The following GPN3 variants were observed in gnomAD, a reference collection of about 807,000 sequenced individuals.
The protein encoded by GPN3 is ATP-binding domain 1 family member C.
Under a neutral mutation model 38.7 loss-of-function variants are expected in GPN3, and 31 were observed. The ratio of observed to expected loss-of-function variants is 0.80; its 90% confidence interval spans 0.60 to 1.08. The LOEUF (loss-of-function observed/expected upper bound fraction) is 1.08. GPN3 is among the 50% of genes least tolerant of loss of function. The pLI is 0.00. For missense variants in GPN3, 301 were observed against 354.4 expected, an observed-to-expected ratio of 0.85 and a Z score of 1.21; for synonymous variants, 116 against 120.2, an observed-to-expected ratio of 0.96 and a Z score of 0.23.
At position 110,456,822 on chromosome 12, in the gene GPN3, C is replaced by T. The variant is rs545478726; in HGVS notation, c.450+688G>A. Among the ~76,000 whole-genome samples, 8 of 151,990 alleles carry T rather than the reference C, an allele frequency of 5.3e-5. No individual in the cohort carries two copies. In the East Asian group the frequency reaches 9.7e-4, roughly 18 times the overall value. Reference sequence around the variant, plus strand: ...AAGCGATCCTCCCACTTCAGCTTCCCAAGTAGCTGGGACTACAGGCATGTG... The same window carrying T: ...AAGCGATCCTCCCACTTCAGCTTCCTAAGTAGCTGGGACTACAGGCATGTG... On this transcript the variant is annotated intron_variant, in intron 4 of 7. Transcript: ENST00000228827.
In GPN3 at chr12:110,468,207, G is replaced by T; in HGVS notation, c.-4C>A. ...CCAGCTGCGCATACCGAGGCATGTTGGCTCCCGGAGCCGCCCGCCACACTC... is the reference window on the plus strand; with the variant it reads ...CCAGCTGCGCATACCGAGGCATGTTTGCTCCCGGAGCCGCCCGCCACACTC... On this transcript the variant is annotated 5_prime_UTR_variant, in exon 1 of 8. Coordinates refer to ENST00000228827, the MANE Select transcript of GPN3 (RefSeq NM_016301.4). The T allele has an allele frequency of 1.9e-6, 3 of 1,605,486 alleles. No homozygotes were observed. The highest frequency in any genetic ancestry group is 1.7e-6 in the Non-Finnish European group (2 of 1,179,774).
chr12:110,457,489 G>GTT, intron 4 of GPN3, 21 bp downstream of exon 4: 2 of 635,744 alleles, frequency 3.1e-6, no homozygotes, highest in Non-Finnish European at 2.6e-6. Flanking sequence ...AAAAAAATCT[G>GTT]TAAGAGATTT....
Position 110,465,192 on chromosome 12 carries a change from AC to A in GPN3, c.70del (p.Val24SerfsTer14). Reference sequence around the variant, plus strand: ...CCGGTTGAGGGCTTCACAGTGCTGGACCATGGTGGCACAGTAGGTGCTCTGT... The same window carrying A: ...CCGGTTGAGGGCTTCACAGTGCTGGACATGGTGGCACAGTAGGTGCTCTGT... ...SGKSTYCATMVQHCEALNRSV... is the reference protein window; with the variant it reads ...SGKSTYCATMXQHCEALNRSV... On this transcript the variant is annotated frameshift_variant, in exon 2 of 8. Coordinates refer to ENST00000228827, the MANE Select transcript of GPN3 (RefSeq NM_016301.4). LOFTEE classifies it high-confidence loss of function. The A allele has an allele frequency of 6.2e-7, 1 of 1,607,666 alleles. No individual in the cohort carries two copies. Among genetic ancestry groups the A allele is most frequent in the Non-Finnish European group, 8.5e-7 (1 of 1,174,046 alleles).
In GPN3 at chr12:110,459,814, A is replaced by G. The variant is rs367768675; in HGVS notation, c.206T>C (p.Leu69Pro). 3.7e-6 allele frequency: 6 copies of G among 1,613,864 alleles called. No individual in the cohort carries two copies. In the African/African-American group the frequency reaches 8.0e-5, roughly 22 times the overall value. ...EVDDVMEDDS[L>P]RFGPNGGLVF... is the part of the protein sequence containing the mutation. ...CAATCCTCCGTTGGGACCGAATCGC[A>G]GAGAATCATCCTCCATTACATCATC... Residue 69 changes from leucine (L) to proline (P), a missense_variant, in exon 3 of 8, where the codon CTG becomes CCG. Physicochemically the swap from Leu to Pro is moderately conservative, Grantham distance 98. Coordinates refer to ENST00000228827, the MANE Select transcript of GPN3 (RefSeq NM_016301.4).
At chr12:110,457,237 G>A (rs867119175) in intron 4 of GPN3, among the ~76,000 whole-genome samples, 1 of 151,494 alleles carries the variant, frequency 6.6e-6, no homozygotes, top group East Asian at 1.9e-4. Context: ...CTTGATGTTT[G>A]AGGTCAGGAG....
chr12:110,453,567 T>G (rs1368321658), intron 7 of GPN3, among the ~76,000 whole-genome samples, 176 bp downstream of exon 7: 1 of 152,138 alleles, frequency 6.6e-6, no homozygotes, highest in Non-Finnish European at 1.5e-5. Context: ...AGAGTAAAAG[T>G]GATACTGCTT....
At chr12:110,461,165 CCA>C (rs2062585586) in intron 2 of GPN3, 1 of 1,294,752 alleles carries the variant, frequency 7.7e-7, no homozygotes. Context: ...GATGGGAACT[CCA>C]GATGTGCGCA....
chr12:110,456,007 T>C (rs2062547260), intron 4 of GPN3, 77 bp from the exon 5 acceptor site: 1 of 786,952 alleles, frequency 1.3e-6, no homozygotes, highest in Admixed American at 1.9e-5. Context: ...GAGTCTTCTA[T>C]TCCTCACTGG....
At chr12:110,468,426 T>A (rs2062653257), upstream of GPN3, 1 of 1,534,168 alleles carries the variant, frequency 6.5e-7, no homozygotes, top group Non-Finnish European at 8.7e-7. Flanking sequence ...TGCGCAAAAG[T>A]AGTTGATGGA....
rs186824410 is a variant in GPN3, at chr12:110,453,245, G to C, written c.793-149C>G. ...TGCTGCTTATAGGTAACTGTTAATA[G>C]TAAGAAAAGGCATGATTGACAGATT... is the stretch of plus-strand genomic sequence containing the variant. On this transcript the variant is annotated intron_variant, in intron 7 of 7. Transcript: ENST00000228827. 42 of 500,978 alleles carry C rather than the reference G, an allele frequency of 8.4e-5. No homozygotes were observed. In the Admixed American group the frequency reaches 1.4e-3, roughly 17 times the overall value. 31.0% of individuals were successfully genotyped at this position (500,978 alleles called of 1,614,324 possible).
rs539841313 is a variant in GPN3, at chr12:110,453,021, T to C, written c.*13A>G. ...GCCACAAGCTCTTTAGATGGTTACT[T>C]TTAGTAAACTCTTCATTCATCCTGG... On this transcript the variant is annotated 3_prime_UTR_variant, in exon 8 of 8. Coordinates refer to ENST00000228827, the MANE Select transcript of GPN3 (RefSeq NM_016301.4). 2 of 1,194,166 alleles carry C rather than the reference T, an allele frequency of 1.7e-6. No homozygotes were observed. The highest frequency in any genetic ancestry group is 2.5e-6 in the Non-Finnish European group (2 of 796,116). The allele number at this position is 1,194,166 out of a possible 1,614,324, so 74.0% of individuals were successfully genotyped here.
In GPN3 at chr12:110,455,585, C is replaced by G. The variant is rs766549312; in HGVS notation, c.663+1G>C. 2 of 1,305,890 alleles carry G rather than the reference C, an allele frequency of 1.5e-6. No homozygotes were observed. The highest frequency in any genetic ancestry group is 1.8e-5 in the Admixed American group (1 of 55,910). 80.9% of individuals were successfully genotyped at this position (1,305,890 alleles called of 1,614,324 possible). ...AAAAAATCCAAACTTTAAAAGCTTA[C>G]CAGTCCACATATAGCTTTAGTCAGT... On this transcript the variant is annotated splice_donor_variant, in intron 6 of 7. Transcript: ENST00000228827. LOFTEE classifies it high-confidence loss of function.
At position 110,457,463 on chromosome 12, in the gene GPN3, A is replaced by C. The variant is rs1372377975; in HGVS notation, c.450+47T>G. The C allele has an allele frequency of 2.0e-4, 241 of 1,192,418 alleles. No homozygotes were observed. The East Asian group carries it at 2.4e-3, about 12-fold the overall frequency. 73.9% of individuals were successfully genotyped at this position (1,192,418 alleles called of 1,614,324 possible). On this transcript the variant is annotated intron_variant, in intron 4 of 7. Transcript: ENST00000228827. Reference sequence around the variant, plus strand: ...TAAGACTCTGTCACACACACAAAAAAAAAAAAAAAAAAAAAAAAAAAATCT... The same window carrying C: ...TAAGACTCTGTCACACACACAAAAACAAAAAAAAAAAAAAAAAAAAAATCT...
At chr12:110,468,378 G>A (rs1234699364), upstream of GPN3, 9 of 1,520,950 alleles carry the variant, frequency 5.9e-6, no homozygotes, top group East Asian at 2.2e-4. Flanking sequence ...AACGCGTCCT[G>A]AGAAAAAAGG....
chr12:110,463,521 A>G (rs9737712), intron 2 of GPN3, among the ~76,000 whole-genome samples: 28,056 of 145,774 alleles, frequency 0.19, 3,634 homozygotes, highest in African/African-American at 0.38. Context: ...TCTAATCCCA[A>G]CACTTTGGGA....
Position 110,457,483 on chromosome 12 carries a change from A to T in GPN3, c.450+27T>A, listed in dbSNP as rs1336219929. 9.6e-6 allele frequency: 14 copies of T among 1,460,378 alleles called. No homozygotes were observed. In the South Asian group the frequency reaches 1.9e-4, roughly 20 times the overall value. 90.5% of individuals were successfully genotyped at this position (1,460,378 alleles called of 1,614,324 possible). On this transcript the variant is annotated intron_variant, in intron 4 of 7. Transcript: ENST00000228827. ...AAAAAAAAAAAAAAAAAAAAAAAAA[A>T]AATCTGTAAGAGATTTAGCTTCAGA... is the stretch of plus-strand genomic sequence containing the variant.
At chr12:110,461,495 G>A (rs1592965355) in intron 2 of GPN3, 1 of 501,202 alleles carries the variant, frequency 2.0e-6, no homozygotes, top group East Asian at 3.6e-5. Flanking sequence ...AGCTGCTCGG[G>A]AGGCTGAGGC....
At position 110,457,580 on chromosome 12, in the gene GPN3, A is replaced by G. The variant is rs1223225305; in HGVS notation, c.380T>C (p.Leu127Pro). 6.2e-7 allele frequency: 1 copy of G among 1,610,822 alleles called. No homozygotes were observed. The highest frequency in any genetic ancestry group is 1.3e-5 in the African/African-American group (1 of 74,856). ...ACAGACTCGGAACTCCCACTGCTCG[A>G]GCTGCTGGACCAGCTGTTTCATCAC... ...LPVMKQLVQQLEQWEFRVCGV... is the reference protein window; with the variant it reads ...LPVMKQLVQQPEQWEFRVCGV... Residue 127 changes from leucine (L) to proline (P), a missense_variant, in exon 4 of 8, where the codon CTC becomes CCC. Transcript: ENST00000228827.
At position 110,453,828 on chromosome 12, in the gene GPN3, G is replaced by T; in HGVS notation, c.707C>A (p.Ser236Ter). The change falls in exon 7 of 8, where the codon TCA becomes TAA. Residue 236 changes from serine (S) to a stop codon, truncating the protein, a stop_gained. Transcript: ENST00000228827. LOFTEE classifies it high-confidence loss of function. ...SMVRFLPYDQ[S>*]DEESMNIVLQ... ...TACAATGTTCATGCTTTCTTCATCTGACTGATCGTAAGGTAAAAATCGAAC... is the reference window on the plus strand; with the variant it reads ...TACAATGTTCATGCTTTCTTCATCTTACTGATCGTAAGGTAAAAATCGAAC... 1 of 1,599,750 alleles carries T rather than the reference G, an allele frequency of 6.3e-7. No homozygotes were observed. The highest frequency in any genetic ancestry group is 1.1e-5 in the South Asian group (1 of 90,746).
Sources: gnomAD v4.1 joint callset for allele counts (sites outside exome capture counted in the v4.1 genomes callset) on GRCh38, gnomAD v4.1.1 for gene constraint, MANE v1.5 for transcripts, NCBI Gene and HGNC (gene_info 2026-07-23, HGNC 2026-07-21) for gene names.